The following SPTAN1 variants were observed in gnomAD, a reference collection of about 807,000 sequenced individuals.
SPTAN1 encodes the protein spectrin alpha, non-erythrocytic 1.
Under a neutral mutation model 331.3 loss-of-function variants are expected in SPTAN1, and 61 were observed. The observed-to-expected ratio is 0.18, with a 90% CI of 0.15 to 0.23. SPTAN1 has a LOEUF of 0.23. SPTAN1 is among the 10% of genes least tolerant of loss of function. The pLI is 1.00. For missense variants in SPTAN1, 2,043 were observed against 3,147.9 expected (o/e 0.65, Z 8.40); for synonymous variants, 1,153 against 1,173.9 (o/e 0.98, Z 0.36).
At position 128,577,776 on chromosome 9, in the gene SPTAN1, A is replaced by C. The variant is rs1430541958; in HGVS notation, c.1085+270A>C. On this transcript the variant is annotated intron_variant, in intron 8 of 56. Transcript: ENST00000372739. The surrounding 1 kb of genome is among the most constrained non-coding windows in gnomAD (Gnocchi z 4.2). ...ATGGGAATGTCCCTTTAAGTATCTG[A>C]GTATCACATGAAATATCTTATTAAA... Among the ~76,000 whole-genome samples the C allele has an allele frequency of 6.6e-6, 1 of 152,238 alleles. No individual in the cohort carries two copies. Among genetic ancestry groups the C allele is most frequent in the Non-Finnish European group, 1.5e-5 (1 of 68,040 alleles).
At chr9:128,564,279 C>T (rs1589141133) in intron 1 of SPTAN1, among the ~76,000 whole-genome samples, 1 of 152,218 alleles carries the variant, frequency 6.6e-6, no homozygotes, top group South Asian at 2.1e-4. Flanking sequence ...ATTAGCTAGG[C>T]ACCATGATGG....
Position 128,627,623 on chromosome 9 carries a change from T to A in SPTAN1, c.6689+125T>A, listed in dbSNP as rs917225316. The stretch of plus-strand genomic sequence containing the variant: ...ACCAGAGGCAGCCTGGGAATAAAGC[T>A]GGGCTGGCAACGCCTGGTCGGGCTC... On this transcript the variant is annotated intron_variant, in intron 50 of 56. Transcript: ENST00000372739. The surrounding 1 kb of genome is among the most constrained non-coding windows in gnomAD (Gnocchi z 4.9). The A allele has an allele frequency of 2.9e-6, 3 of 1,036,012 alleles. No individual in the cohort carries two copies. The highest frequency in any genetic ancestry group is 4.4e-6 in the Non-Finnish European group (3 of 682,236). 64.2% of individuals were successfully genotyped at this position (1,036,012 alleles called of 1,614,324 possible). A position where few individuals can be genotyped will look rare whatever the true frequency, so the allele number is the denominator to read the frequency against.
chr9:128,602,968 G>A (rs964750081), intron 27 of SPTAN1, among the ~76,000 whole-genome samples: 9 of 149,248 alleles, frequency 6.0e-5, no homozygotes, highest in South Asian at 2.1e-4. Flanking sequence ...AAGTAGCTAC[G>A]TTGTTGAAAT....
chr9:128,612,199 C>G lies in SPTAN1; in HGVS notation c.4996C>G (p.Gln1666Glu), dbSNP rs1228223168. 6.2e-7 allele frequency: 1 copy of G among 1,614,036 alleles called. No individual in the cohort carries two copies. The highest frequency in any genetic ancestry group is 8.5e-7 in the Non-Finnish European group (1 of 1,180,052). Reference sequence around the variant, plus strand: ...GAAACTGAAAGAAGCCAACAAGCAGCAGAACTTCAACACAGGGATCAAGGA... The same window carrying G: ...GAAACTGAAAGAAGCCAACAAGCAGGAGAACTTCAACACAGGGATCAAGGA... ...SQKLKEANKQ[Q>E]NFNTGIKDFD... Residue 1666 changes from glutamine to glutamate, a missense_variant, in exon 39 of 57, where the codon CAG becomes GAG. Gln to Glu is a conservative substitution (Grantham distance 29). This residue lies in a region of SPTAN1 where 323 missense variants were observed against 581.1 expected (regional missense o/e 0.56). Coordinates refer to ENST00000372739, the MANE Select transcript of SPTAN1 (RefSeq NM_001130438.3).
Position 128,608,963 on chromosome 9 carries a change from T to C in SPTAN1, c.4581T>C (p.Asn1527=). ...YAKGDISSRR[N]EVLDRWRRLK... is the part of the protein sequence containing the mutation. ...AGGGAGACATTTCTAGCCGGCGCAA[T>C]GAGGTCTTGGACAGGTGGGTGTCCT... is the stretch of plus-strand genomic sequence containing the variant. The change falls in exon 35 of 57, where the codon AAT becomes AAC. Residue 1527 remains asparagine (N), a synonymous_variant. Coordinates refer to ENST00000372739, the MANE Select transcript of SPTAN1 (RefSeq NM_001130438.3). The C allele has an allele frequency of 2.5e-6, 4 of 1,614,186 alleles. No homozygotes were observed. The highest frequency in any genetic ancestry group is 3.4e-6 in the Non-Finnish European group (4 of 1,180,022).
intron 3 of SPTAN1, among the ~76,000 whole-genome samples, chr9:128,570,344 T>A (rs1284863275): frequency 8.2e-5 from 7 of 85,780 alleles, no homozygotes; most frequent in East Asian, 2.8e-4. Context: ...TTTTTTTTTT[T>A]TTTTTTTTTT....
intron 44 of SPTAN1, 56 bp from the exon 45 acceptor site, chr9:128,621,102 T>C: frequency 1.3e-6 from 2 of 1,525,268 alleles, no homozygotes; most frequent in Non-Finnish European, 1.8e-6. Context: ...CCCCGGGGCC[T>C]AGCCCACAAC....
chr9:128,629,010 C>T lies in SPTAN1; in HGVS notation c.6707+1068C>T, dbSNP rs1301819775. On this transcript the variant is annotated intron_variant, in intron 51 of 56. Coordinates refer to ENST00000372739, the MANE Select transcript of SPTAN1 (RefSeq NM_001130438.3). The surrounding 1 kb of genome is among the most constrained non-coding windows in gnomAD (Gnocchi z 4.9). ...CTGCTGCCTCCAGGTACCCGCCGGG[C>T]ACCAGGTTGCCCTTGCCTGCGCCCT... The T allele has an allele frequency of 2.5e-6, 1 of 396,360 alleles. No homozygotes were observed. The highest frequency in any genetic ancestry group is 3.6e-5 in the East Asian group (1 of 27,980). The allele number at this position is 396,360 out of a possible 1,614,324, so 24.6% of individuals were successfully genotyped here.
chr9:128,612,677 A>G (rs1205828045), intron 39 of SPTAN1, among the ~76,000 whole-genome samples: 2 of 152,102 alleles, frequency 1.3e-5, no homozygotes, highest in African/African-American at 4.8e-5. Context: ...TGTAATCCCA[A>G]CACTTTGGGA....
At chr9:128,610,801 T>A (rs975828834) in intron 37 of SPTAN1, among the ~76,000 whole-genome samples, 2 of 152,212 alleles carry the variant, frequency 1.3e-5, no homozygotes, top group East Asian at 1.9e-4. Context: ...CAGTCAAGCC[T>A]GGGTTCTGAC....
chr9:128,570,330 A>ATATATATATTTTTTTTT (rs1850540639), intron 3 of SPTAN1, among the ~76,000 whole-genome samples: 1 of 71,874 alleles, frequency 1.4e-5, no homozygotes, highest in Admixed American at 1.4e-4. Flanking sequence ...ATATATATAT[A>ATATATATATTTTTTTTT]TTTTTTTTTT....
At chr9:128,605,561 C>G (rs887319576) in intron 31 of SPTAN1, 84 bp downstream of exon 31, 24 of 1,530,940 alleles carry the variant, frequency 1.6e-5, no homozygotes, top group Non-Finnish European at 2.1e-5. Flanking sequence ...AGTACATGCT[C>G]AGCAGGGTAC....
rs772780483 is a variant in SPTAN1 at position 128,624,419 on chromosome 9, C to G, written c.5924C>G (p.Ala1975Gly). The change falls in exon 46 of 57, where the codon GCG (alanine) becomes GGG (glycine). Residue 1975 changes from alanine (A) to glycine (G), a missense_variant. By Grantham distance (60) the Ala-to-Gly change is moderately conservative. This residue lies in a region of SPTAN1 where 323 missense variants were observed against 581.1 expected (regional missense o/e 0.56). Coordinates refer to ENST00000372739, the MANE Select transcript of SPTAN1 (RefSeq NM_001130438.3). ...GAGAAAGCTGCAGCCCAGAGAAAGGCGAAGCTGGATGAGAACTCGGCCTTC... is the reference window on the plus strand; with the variant it reads ...GAGAAAGCTGCAGCCCAGAGAAAGGGGAAGCTGGATGAGAACTCGGCCTTC... ...DLEKAAAQRK[A>G]KLDENSAFLQ... 1.2e-5 allele frequency: 19 copies of G among 1,613,840 alleles called. No homozygotes were observed. The highest frequency in any genetic ancestry group is 1.6e-5 in the Non-Finnish European group (19 of 1,180,038).
intron 10 of SPTAN1, among the ~76,000 whole-genome samples, 162 bp downstream of exon 10, chr9:128,579,900 G>A (rs921176457): frequency 6.6e-6 from 1 of 152,196 alleles, no homozygotes; most frequent in Non-Finnish European, 1.5e-5. Context: ...TATGTATAGT[G>A]TGCTGATTTC....
intron 54 of SPTAN1, 37 bp from the exon 55 acceptor site, chr9:128,632,535 G>A (rs746115201): frequency 1.2e-6 from 2 of 1,614,120 alleles, no homozygotes; most frequent in Non-Finnish European, 1.7e-6. Context: ...TCGGCAGCAG[G>A]GCTGCCTGCT....
chr9:128,555,935 T>G (rs560187917), intron 1 of SPTAN1, among the ~76,000 whole-genome samples: 7 of 152,140 alleles, frequency 4.6e-5, no homozygotes, highest in Non-Finnish European at 1.0e-4. Context: ...AAAAAATAGC[T>G]CTCGGGCTGG....
At chr9:128,556,616 A>G (rs913885169) in intron 1 of SPTAN1, among the ~76,000 whole-genome samples, 1 of 152,254 alleles carries the variant, frequency 6.6e-6, no homozygotes, top group Non-Finnish European at 1.5e-5. Flanking sequence ...GATGCAATGC[A>G]GTATGAATCT....
intron 3 of SPTAN1, 118 bp downstream of exon 3, chr9:128,569,015 T>A: frequency 7.1e-7 from 1 of 1,409,690 alleles, no homozygotes; most frequent in South Asian, 1.2e-5. Flanking sequence ...TTAAAAGAAT[T>A]TATGAAGTCT....
intron 21 of SPTAN1, among the ~76,000 whole-genome samples, chr9:128,589,429 C>T (rs894333151): frequency 1.3e-5 from 2 of 151,764 alleles, no homozygotes; most frequent in Admixed American, 1.3e-4. Context: ...GCTGGGACTA[C>T]AGGCGCCCAC....
Sources: allele counts gnomAD v4.1 joint callset (sites outside exome capture counted in the v4.1 genomes callset), GRCh38; gene constraint gnomAD v4.1.1; regional missense constraint gnomAD v4.1.1; non-coding constraint Gnocchi (gnomAD v3.1); transcripts MANE v1.5; gene names NCBI Gene and HGNC (gene_info 2026-07-23, HGNC 2026-07-21).